RANBP2: variants seen among roughly 807,000 people sequenced by gnomAD.
The protein encoded by RANBP2 is RAN binding protein 2.
A neutral mutation model predicts 303.6 loss-of-function variants in RANBP2; 57 were observed. The observed-to-expected ratio is 0.19, with a 90% confidence interval of 0.15 to 0.23. The LOEUF is 0.23. Ranked by LOEUF, RANBP2 falls within the 10% of genes least tolerant of loss-of-function variation. RANBP2 has a pLI of 1.00. For synonymous variants in RANBP2, 1,167 were observed against 1,301.5 expected (o/e 0.90, Z 2.23); for missense variants, 3,138 against 3,780.8 (o/e 0.83, Z 4.46).
chr2:109,144,436 A>G, the RANBP2 span, among the ~76,000 whole-genome samples: 2 of 152,222 alleles, frequency 1.3e-5, no homozygotes, highest in Non-Finnish European at 2.9e-5. Context: ...TGACGTCTCT[A>G]GGTTTGTTCT....
the RANBP2 span, among the ~76,000 whole-genome samples, chr2:109,032,371 ACTCCAGGACCCAAC>A: frequency 1.3e-5 from 2 of 151,824 alleles, no homozygotes; most frequent in African/African-American, 4.8e-5. Flanking sequence ...GAACTTTAGA[ACTCCAGGACCCAAC>A]CTCAGTCCTT....
chr2:109,326,925 C>T, the RANBP2 span, among the ~76,000 whole-genome samples: 6 of 152,204 alleles, frequency 3.9e-5, no homozygotes, highest in African/African-American at 9.6e-5. Flanking sequence ...CTCTACCATT[C>T]GGTTCCAGTT....
chr2:109,087,965 T>C, the RANBP2 span, among the ~76,000 whole-genome samples: 1 of 152,178 alleles, frequency 6.6e-6, no homozygotes, highest in Non-Finnish European at 1.5e-5. Flanking sequence ...TCTAATGCCG[T>C]TAAAATTTAG....
At chr2:108,847,808 G>A in the RANBP2 span, among the ~76,000 whole-genome samples, 2 of 152,152 alleles carry the variant, frequency 1.3e-5, no homozygotes, top group African/African-American at 4.8e-5. Flanking sequence ...AGTTACTCCC[G>A]ATGGTATGGA....
At position 108,746,760 on chromosome 2, in the gene RANBP2, T is replaced by C; in HGVS notation, c.1025T>C (p.Leu342Pro). ...KLIKGEAGQN[L>P]LEMMACDRLS... Reference sequence around the variant, plus strand: ...ATAAAAGGTGAAGCTGGACAAAATCTGCTGGAAATGATGGCCTGTGACCGA... The same window carrying C: ...ATAAAAGGTGAAGCTGGACAAAATCCGCTGGAAATGATGGCCTGTGACCGA... Residue 342 changes from leucine (L) to proline (P), a missense_variant, in exon 8 of 29, where the codon CTG (leucine) becomes CCG (proline). This residue lies in a region of RANBP2 where 6 missense variants were observed against 38.5 expected (regional missense o/e 0.16). Coordinates refer to ENST00000283195, the MANE Select transcript of RANBP2 (RefSeq NM_006267.5). 5 of 1,457,618 alleles carry C rather than the reference T, an allele frequency of 3.4e-6. No homozygotes were observed. The highest frequency in any genetic ancestry group is 3.7e-6 in the Non-Finnish European group (4 of 1,085,608). The allele number at this position is 1,457,618 out of a possible 1,614,324, so 90.3% of individuals were successfully genotyped here. A position where few individuals can be genotyped will look rare whatever the true frequency, so the allele number is the denominator to read the frequency against.
chr2:109,195,122 C>G, the RANBP2 span, among the ~76,000 whole-genome samples: 2 of 152,116 alleles, frequency 1.3e-5, 1 homozygote, highest in East Asian at 3.8e-4. Context: ...TTGTAGCTGG[C>G]AGATGGATAA....
the RANBP2 span, among the ~76,000 whole-genome samples, chr2:109,293,464 C>T: frequency 6.6e-6 from 1 of 152,190 alleles, no homozygotes; most frequent in East Asian, 1.9e-4. Flanking sequence ...GGGCTGCCTG[C>T]CCTACCCTGC....
chr2:109,692,214 C>T, the RANBP2 span, among the ~76,000 whole-genome samples: 1 of 150,964 alleles, frequency 6.6e-6, no homozygotes, highest in Non-Finnish European at 1.5e-5. Context: ...CCACATGGTA[C>T]GTGATTCTAT....
At chr2:109,724,008 C>A in the RANBP2 span, among the ~76,000 whole-genome samples, 4 of 152,154 alleles carry the variant, frequency 2.6e-5, no homozygotes, top group African/African-American at 7.2e-5. Flanking sequence ...TTCCCAGCAC[C>A]ATTTATTAAC....
At chr2:109,347,620 T>G in the RANBP2 span, 5 of 1,583,646 alleles carry the variant, frequency 3.2e-6, no homozygotes, top group Non-Finnish European at 4.3e-6. Flanking sequence ...AGATCCACTG[T>G]GGGGCATTGG....
At chr2:109,568,090 C>CG in the RANBP2 span, 1 of 795,780 alleles carries the variant, frequency 1.3e-6, no homozygotes, top group African/African-American at 1.7e-5. Flanking sequence ...AAACCTAGAT[C>CG]GGGGGGCTGG....
the RANBP2 span, chr2:109,614,299 G>A: frequency 3.3e-6 from 2 of 598,632 alleles, no homozygotes; most frequent in Non-Finnish European, 4.7e-6. Context: ...GCGCGGGGCG[G>A]GGGTGCGGGG....
chr2:109,529,009 G>A, the RANBP2 span, among the ~76,000 whole-genome samples: 3 of 152,206 alleles, frequency 2.0e-5, no homozygotes, highest in African/African-American at 7.2e-5. Context: ...CTCCACTATA[G>A]GATAAGCTTG....
chr2:109,509,271 G>A, the RANBP2 span, among the ~76,000 whole-genome samples: 5 of 152,318 alleles, frequency 3.3e-5, no homozygotes, highest in East Asian at 5.8e-4. Flanking sequence ...CAGATTATGC[G>A]GTGTTTGGTG....
At chr2:109,472,739 A>G in the RANBP2 span, among the ~76,000 whole-genome samples, 1 of 152,238 alleles carries the variant, frequency 6.6e-6, no homozygotes, top group Non-Finnish European at 1.5e-5. Context: ...ATCTGAATGC[A>G]TTCCATTTGA....
At chr2:108,959,184 C>A in the RANBP2 span, among the ~76,000 whole-genome samples, 1 of 152,174 alleles carries the variant, frequency 6.6e-6, no homozygotes, top group African/African-American at 2.4e-5. Flanking sequence ...GCAGGTGGCC[C>A]GAGGAAAGCC....
the RANBP2 span, among the ~76,000 whole-genome samples, chr2:109,007,152 C>A: frequency 8.5e-5 from 13 of 152,292 alleles, no homozygotes; most frequent in African/African-American, 2.9e-4. Context: ...CAGAAGGAAC[C>A]GCAGAGACTC....
intron 7 of RANBP2, among the ~76,000 whole-genome samples, chr2:108,741,797 C>G (rs1172483664): frequency 7.0e-6 from 1 of 143,210 alleles, no homozygotes; most frequent in Non-Finnish European, 1.5e-5. Flanking sequence ...CAGGCGTGAG[C>G]CACCACACCC....
the RANBP2 span, among the ~76,000 whole-genome samples, chr2:109,102,776 A>G: frequency 6.6e-6 from 1 of 152,196 alleles, no homozygotes; most frequent in Non-Finnish European, 1.5e-5. Flanking sequence ...TCTGCTGTTT[A>G]AGAACTTTAA....
Sources: gnomAD v4.1 joint callset for allele counts (sites outside exome capture counted in the v4.1 genomes callset) on GRCh38, gnomAD v4.1.1 for gene constraint, gnomAD v4.1.1 regional missense constraint, MANE v1.5 for transcripts, NCBI Gene and HGNC (gene_info 2026-07-23, HGNC 2026-07-21) for gene names.